Variants in WDR35 observed in about 807,000 individuals in gnomAD.
WDR35 encodes WD repeat domain 35.
A neutral mutation model predicts 158.3 loss-of-function variants in WDR35; 118 were observed. The ratio of observed to expected loss-of-function variants is 0.75; its 90% CI spans 0.64 to 0.87. WDR35 has a LOEUF of 0.87. WDR35 is among the 40% of genes least tolerant of loss of function. The pLI is 0.00. For synonymous variants in WDR35, 448 were observed against 476.1 expected (o/e 0.94, Z 0.77); for missense variants, 1,263 against 1,405.8 (o/e 0.90, Z 1.62).
chr2:19,930,662 C>T (rs1405641094), intron 24 of WDR35, 110 bp from the exon 25 acceptor site: 1 of 1,485,094 alleles, frequency 6.7e-7, no homozygotes, highest in East Asian at 2.3e-5. Context: ...TTTATCATTA[C>T]AAAACTATGA....
rs1669908788 is a variant in WDR35, at chr2:19,913,850, A to T, written c.3363-142T>A. On this transcript the variant is annotated intron_variant, in intron 26 of 26. Transcript: ENST00000281405. Reference sequence around the variant, plus strand: ...TTTCATTTAAAAAAGTTATTTCAAGAAAAAACCTTTCTTACAATGACAAAA... The same window carrying T: ...TTTCATTTAAAAAAGTTATTTCAAGTAAAAACCTTTCTTACAATGACAAAA... 27 of 1,427,982 alleles carry T rather than the reference A, an allele frequency of 1.9e-5. No homozygotes were observed. The South Asian group carries it at 3.6e-4, about 19-fold the overall frequency. The allele number at this position is 1,427,982 out of a possible 1,614,324, so 88.5% of individuals were successfully genotyped here.
chr2:19,954,035 G>T, intron 11 of WDR35, 57 bp from the exon 12 acceptor site: 1 of 1,599,270 alleles, frequency 6.3e-7, no homozygotes, highest in Non-Finnish European at 8.6e-7. Flanking sequence ...GAATGCTTGT[G>T]CTGCAAAGGC....
intron 8 of WDR35, among the ~76,000 whole-genome samples, chr2:19,971,572 T>C (rs1412415909): frequency 6.6e-6 from 1 of 152,244 alleles, no homozygotes; most frequent in African/African-American, 2.4e-5. Context: ...TGTGGTATTC[T>C]GTCATAGCAG....
At chr2:19,928,751 G>C (rs1316814056) in intron 25 of WDR35, among the ~76,000 whole-genome samples, 1 of 151,916 alleles carries the variant, frequency 6.6e-6, no homozygotes, top group Non-Finnish European at 1.5e-5. Context: ...AGCATAATAA[G>C]TGAGTTTTCT....
intron 25 of WDR35, among the ~76,000 whole-genome samples, chr2:19,921,117 G>A (rs1670152464): frequency 6.6e-6 from 1 of 152,178 alleles, no homozygotes; most frequent in Non-Finnish European, 1.5e-5. Context: ...CATGCTCATG[G>A]ATAGGAAGAA....
chr2:19,930,630 TAAAG>T, intron 24 of WDR35, 78 bp from the exon 25 acceptor site: 1 of 1,590,180 alleles, frequency 6.3e-7, no homozygotes, highest in Non-Finnish European at 8.6e-7. Flanking sequence ...CAACAGTCAT[TAAAG>T]TATCTAAATG....
chr2:19,936,232 C>T lies in WDR35; in HGVS notation c.2401G>A (p.Asp801Asn), dbSNP rs533020921. Reference sequence around the variant, plus strand: ...TAAGTTACATACCACTTTTGTCGATCAGCAAAGTAGTCTCCAATGGCATTG... The same window carrying T: ...TAAGTTACATACCACTTTTGTCGATTAGCAAAGTAGTCTCCAATGGCATTG... ...ANNAIGDYFADRQKWLNAVQY... is the reference protein window; with the variant it reads ...ANNAIGDYFANRQKWLNAVQY... The change falls in exon 20 of 27, where the codon GAT becomes AAT. Residue 801 changes from aspartate to asparagine, a missense_variant. Transcript: ENST00000281405. 6.2e-7 allele frequency: 1 copy of T among 1,613,914 alleles called. No homozygotes were observed. Among genetic ancestry groups the T allele is most frequent in the African/African-American group, 1.3e-5 (1 of 75,034 alleles).
intron 12 of WDR35, 178 bp from the exon 13 acceptor site, chr2:19,951,662 G>A (rs1671239677): frequency 3.9e-6 from 2 of 518,084 alleles, no homozygotes; most frequent in Non-Finnish European, 6.8e-6. Context: ...TTATCTACCA[G>A]GTGTTTACTA....
chr2:19,936,561 G>GT (rs1289729592), intron 19 of WDR35, among the ~76,000 whole-genome samples, 196 bp from the exon 20 acceptor site: 7 of 152,160 alleles, frequency 4.6e-5, no homozygotes, highest in Non-Finnish European at 1.0e-4. Context: ...TTGAATGTGT[G>GT]TCCCCTCCAA....
chr2:19,947,130 C>A (rs914195132), intron 14 of WDR35, among the ~76,000 whole-genome samples: 1 of 152,164 alleles, frequency 6.6e-6, no homozygotes, highest in African/African-American at 2.4e-5. Flanking sequence ...ATTTTGTACA[C>A]AACTCAGGGC....
chr2:19,944,796 G>A (rs1670995468), intron 16 of WDR35, among the ~76,000 whole-genome samples: 1 of 152,022 alleles, frequency 6.6e-6, no homozygotes, highest in Admixed American at 6.6e-5. Flanking sequence ...GGGGAAATGT[G>A]AAAATAATTT....
At chr2:19,962,144 A>G in intron 10 of WDR35, 1 of 765,816 alleles carries the variant, frequency 1.3e-6, no homozygotes, top group Non-Finnish European at 2.1e-6. Flanking sequence ...GTTGAAAAAT[A>G]AAGTTTCTAT....
At position 19,987,931 on chromosome 2, in the gene WDR35, T is replaced by C. The variant is rs546197272; in HGVS notation, c.142+1234A>G. ...ACGTATATATATATCTATATACACA[T>C]TTAAGAAACAGAGAAAAACTTTCTT... On this transcript the variant is annotated intron_variant, in intron 2 of 26. Transcript: ENST00000281405. Among the ~76,000 whole-genome samples the C allele has an allele frequency of 2.8e-4, 42 of 151,676 alleles. 2 individuals are homozygous for C. In the South Asian group the frequency reaches 8.2e-3, roughly 29 times the overall value.
chr2:19,953,793 A>G (rs771464605), intron 12 of WDR35, 41 bp downstream of exon 12: 1 of 1,613,056 alleles, frequency 6.2e-7, no homozygotes, highest in Non-Finnish European at 8.5e-7. Flanking sequence ...CTTCAATGTG[A>G]TATGGTTGAG....
In WDR35 at chr2:19,918,825, T is replaced by A. The variant is rs190219114; in HGVS notation, c.3122-4548A>T. ...AGACTTCAACACCCCGTTGTCAATA[T>A]TAGACAGATCAACAAGACAGAAAAT... is the stretch of plus-strand genomic sequence containing the variant. On this transcript the variant is annotated intron_variant, in intron 25 of 26. Transcript: ENST00000281405. Among the ~76,000 whole-genome samples, 299 of 152,196 alleles carry A rather than the reference T, an allele frequency of 2.0e-3. 2 individuals carry two copies. The highest frequency in any genetic ancestry group is 6.9e-3 in the African/African-American group (286 of 41,508).
At chr2:19,913,833 A>C in intron 26 of WDR35, 125 bp from the exon 27 acceptor site, 1 of 1,450,898 alleles carries the variant, frequency 6.9e-7, no homozygotes, top group Non-Finnish European at 9.3e-7. Context: ...ACTTTCATTT[A>C]AAAAAGTTAT....
chr2:19,967,853 A>G (rs552880106), intron 9 of WDR35, among the ~76,000 whole-genome samples: 1 of 152,342 alleles, frequency 6.6e-6, no homozygotes, highest in South Asian at 2.1e-4. Context: ...CTAGGAAATC[A>G]ACATCACTAT....
chr2:19,922,202 AGCAATCCCATTGCTGGGTATATACC>A, intron 25 of WDR35, among the ~76,000 whole-genome samples: 1 of 152,368 alleles, frequency 6.6e-6, no homozygotes, highest in African/African-American at 2.4e-5. Context: ...CATTTGACCC[AGCAATCCCATTGCTGGGTATATACC>A]CAAAGGATTA....
chr2:19,976,706 T>A (rs1390745317), intron 5 of WDR35, among the ~76,000 whole-genome samples: 3 of 138,536 alleles, frequency 2.2e-5, no homozygotes, highest in Non-Finnish European at 4.7e-5. Context: ...TTTTTTTTTT[T>A]ACCACTCCCT....
Sources: gnomAD v4.1 joint callset for allele counts (sites outside exome capture counted in the v4.1 genomes callset) on GRCh38, gnomAD v4.1.1 for gene constraint, MANE v1.5 for transcripts, NCBI Gene and HGNC (gene_info 2026-07-23, HGNC 2026-07-21) for gene names.